The following C12orf50 variants were observed in gnomAD, a reference collection of about 807,000 sequenced individuals.
C12orf50 encodes the protein uncharacterized protein C12orf50.
Under a neutral mutation model 61.6 loss-of-function variants are expected in C12orf50, and 35 were observed. The ratio of observed to expected loss-of-function variants is 0.57; its 90% CI spans 0.43 to 0.75. The LOEUF (loss-of-function observed/expected upper bound fraction) is 0.75. Among genes scored for constraint, C12orf50 ranks in the 30% least tolerant of loss-of-function variants. The pLI is 0.00. For missense variants in C12orf50, 475 were observed against 488.5 expected (o/e 0.97, Z 0.26); for synonymous variants, 178 against 161.5 (o/e 1.10, Z -0.77).
At chr12:88,026,447 T>G in intron 3 of C12orf50, 41 bp downstream of exon 3, 2 of 1,594,282 alleles carry the variant, frequency 1.3e-6, no homozygotes, top group Non-Finnish European at 1.7e-6. Context: ...AAAACCAGAT[T>G]AGAATATGGT....
At chr12:87,986,536 C>T (rs537794983) in intron 9 of C12orf50, 120 bp from the exon 10 acceptor site, 2 of 628,676 alleles carry the variant, frequency 3.2e-6, no homozygotes, top group African/African-American at 1.9e-5. Context: ...AATAAATGCA[C>T]CATCCTAACA....
chr12:87,997,637 C>T (rs80146037), intron 4 of C12orf50, among the ~76,000 whole-genome samples: 1 of 152,184 alleles, frequency 6.6e-6, no homozygotes, highest in South Asian at 2.1e-4. Context: ...TGTTCAACTC[C>T]CACCTATGAG....
At chr12:87,996,689 A>G in intron 4 of C12orf50, 43 bp from the exon 5 acceptor site, 1 of 1,431,368 alleles carries the variant, frequency 7.0e-7, no homozygotes, top group Admixed American at 1.9e-5. Flanking sequence ...CCCAAAGCCA[A>G]TTAATCTGAA....
chr12:87,987,748 C>T (rs2030898809), intron 9 of C12orf50, 102 bp downstream of exon 9: 6 of 787,236 alleles, frequency 7.6e-6, no homozygotes, highest in East Asian at 2.8e-5. Flanking sequence ...ATTTTTAAAC[C>T]TTTTTTCTTT....
intron 7 of C12orf50, among the ~76,000 whole-genome samples, chr12:87,992,440 C>G (rs2031170508): frequency 6.6e-6 from 1 of 151,912 alleles, no homozygotes; most frequent in Non-Finnish European, 1.5e-5. Flanking sequence ...GAGAAATGCC[C>G]ACGTTTGTTT....
rs560196019 is a variant in C12orf50, at chr12:88,014,026, T to G, written c.133+12462A>C. Among the ~76,000 whole-genome samples the G allele has an allele frequency of 8.5e-5, 13 of 152,272 alleles. No individual in the cohort carries two copies. In the East Asian group the frequency reaches 2.5e-3, roughly 29 times the overall value. ...TAAATTGAGAAAGAGAAAAGAAGCCTTATTCAATGGAAGTACACATAACTC... is the reference window on the plus strand; with the variant it reads ...TAAATTGAGAAAGAGAAAAGAAGCCGTATTCAATGGAAGTACACATAACTC... On this transcript the variant is annotated intron_variant, in intron 3 of 12. Coordinates refer to ENST00000298699, the MANE Select transcript of C12orf50 (RefSeq NM_152589.3).
In C12orf50 at chr12:87,983,107, AT is replaced by A. The variant is rs2030597894; in HGVS notation, c.1214del (p.Tyr405PhefsTer15). Reference protein sequence around the residue: ...SKTYSKSEKIYPEPRRNGSK With the variant: ...SKTYSKSEKIXPEPRRNGSK ...AAACCACTTATAAATAGTTACCTGG[AT>A]ATATCTTTTCACTTTTTGAATATGT... On this transcript the variant is annotated frameshift_variant, in exon 12 of 13. Transcript: ENST00000298699. LOFTEE classifies it high-confidence loss of function. 1 of 1,562,200 alleles carries A rather than the reference AT, an allele frequency of 6.4e-7. No homozygotes were observed. The highest frequency in any genetic ancestry group is 1.4e-5 in the African/African-American group (1 of 73,586).
intron 3 of C12orf50, among the ~76,000 whole-genome samples, chr12:88,005,973 G>A (rs1482119412): frequency 7.0e-6 from 1 of 142,652 alleles, no homozygotes; most frequent in African/African-American, 2.7e-5. Context: ...CTGGAGTGCA[G>A]TGGCGCAATC....
intron 7 of C12orf50, among the ~76,000 whole-genome samples, chr12:87,989,594 T>G (rs1295623164): frequency 3.3e-5 from 5 of 152,098 alleles, no homozygotes; most frequent in African/African-American, 1.2e-4. Context: ...TATAGATAAT[T>G]GCAAGAAAAT....
chr12:88,016,774 A>G (rs2136479724), intron 3 of C12orf50, among the ~76,000 whole-genome samples: 1 of 152,310 alleles, frequency 6.6e-6, no homozygotes, highest in Admixed American at 6.5e-5. Context: ...TGGTACTTTC[A>G]TTCTATAGGG....
chr12:88,003,957 CT>C (rs1350200956), intron 3 of C12orf50, among the ~76,000 whole-genome samples: 1 of 151,424 alleles, frequency 6.6e-6, no homozygotes, highest in African/African-American at 2.4e-5. Flanking sequence ...TTATTTTTCT[CT>C]TGATTTTTCA....
At chr12:87,988,247 T>G (rs1423186778) in intron 8 of C12orf50, among the ~76,000 whole-genome samples, 1 of 152,184 alleles carries the variant, frequency 6.6e-6, no homozygotes, top group African/African-American at 2.4e-5. Context: ...ACAAAAGATT[T>G]AAAAGGTTTT....
chr12:88,015,969 GC>G (rs1386676563), intron 3 of C12orf50, among the ~76,000 whole-genome samples: 1 of 152,134 alleles, frequency 6.6e-6, no homozygotes, highest in Admixed American at 6.5e-5. Flanking sequence ...TGCACTTAGT[GC>G]TTAAAGATAA....
intron 11 of C12orf50, chr12:87,985,604 T>C: frequency 1.9e-6 from 1 of 538,332 alleles, no homozygotes; most frequent in East Asian, 3.1e-5. Context: ...TGCAGTGCTC[T>C]GAGAAAAAAA....
intron 6 of C12orf50, among the ~76,000 whole-genome samples, chr12:87,995,457 G>A (rs1311936813): frequency 1.3e-5 from 2 of 152,136 alleles, no homozygotes; most frequent in Non-Finnish European, 2.9e-5. Context: ...CAATTCAGAA[G>A]ATTATAATAA....
At chr12:87,998,781 G>C (rs1401015502) in intron 3 of C12orf50, among the ~76,000 whole-genome samples, 1 of 152,164 alleles carries the variant, frequency 6.6e-6, no homozygotes, top group African/African-American at 2.4e-5. Context: ...AGGACTGCAA[G>C]ACCAGAACTA....
intron 3 of C12orf50, among the ~76,000 whole-genome samples, chr12:88,012,386 G>A (rs1478509443): frequency 6.6e-6 from 1 of 152,114 alleles, no homozygotes; most frequent in Non-Finnish European, 1.5e-5. Context: ...GGTTAAAAGA[G>A]CCTTTTGTAT....
Position 87,994,700 on chromosome 12 carries a change from C to A in C12orf50, c.525G>T (p.Arg175Ser). Residue 175 changes from arginine to serine, a missense_variant, in exon 7 of 13, where the codon AGG becomes AGT. Transcript: ENST00000298699. ...GCAATGATGTTTTTATTTCACCTTG[C>A]CTTTCATATTGGCTAAGTTTTGTCG... ...TVPTKLSQYE[R>S]QGEIKTSLHG... 1 of 1,613,258 alleles carries A rather than the reference C, an allele frequency of 6.2e-7. No individual in the cohort carries two copies. Among genetic ancestry groups the A allele is most frequent in the East Asian group, 2.2e-5 (1 of 44,782 alleles).
At chr12:87,981,705 C>G (rs570854946) in intron 12 of C12orf50, among the ~76,000 whole-genome samples, 1 of 152,034 alleles carries the variant, frequency 6.6e-6, no homozygotes, top group Admixed American at 6.6e-5. Flanking sequence ...TCATTTGGAC[C>G]CACTGTTCCT....
Sources: gnomAD v4.1 joint callset for allele counts (sites outside exome capture counted in the v4.1 genomes callset) on GRCh38, gnomAD v4.1.1 for gene constraint, MANE v1.5 for transcripts, NCBI Gene and HGNC (gene_info 2026-07-23, HGNC 2026-07-21) for gene names.